Variants in LRP1B observed in about 807,000 individuals in gnomAD.
LRP1B encodes low-density lipoprotein receptor-related protein 1B.
A neutral mutation model predicts 556.6 loss-of-function variants in LRP1B; 217 were observed. The ratio of observed to expected loss-of-function variants is 0.39; its 90% CI spans 0.35 to 0.44. The LOEUF (loss-of-function observed/expected upper bound fraction) is 0.44. LRP1B is among the 20% of genes least tolerant of loss of function. The pLI, the probability that LRP1B is intolerant of heterozygous loss-of-function variation, is 1.00. For missense variants in LRP1B, 5,053 were observed against 5,620.8 expected, an observed-to-expected ratio of 0.90 and a Z score of 3.23; for synonymous variants, 2,047 against 1,865.8, an observed-to-expected ratio of 1.10 and a Z score of -2.50.
intron 1 of LRP1B, among the ~76,000 whole-genome samples, chr2:141,859,392 ACAAGT>A (rs2105785378): frequency 6.6e-6 from 1 of 152,282 alleles, no homozygotes; most frequent in South Asian, 2.1e-4. Context: ...AGGGCCACAG[ACAAGT>A]CAAGTTTAAA....
Position 141,044,628 on chromosome 2 carries a change from C to T in LRP1B, c.1789+4358G>A, listed in dbSNP as rs531847264. ...GGGCAAAGGACATGAACAGACACTTCTCAAAAGAAGACATTTATGCACCAA... is the reference window on the plus strand; with the variant it reads ...GGGCAAAGGACATGAACAGACACTTTTCAAAAGAAGACATTTATGCACCAA... On this transcript the variant is annotated intron_variant, in intron 11 of 90. Coordinates refer to ENST00000389484, the MANE Select transcript of LRP1B (RefSeq NM_018557.3). 2.7e-3 allele frequency among the ~76,000 whole-genome samples: 405 copies of T among 152,006 alleles called. 1 individual carries two copies. The highest frequency in any genetic ancestry group is 9.5e-3 in the African/African-American group (395 of 41,498).
At position 141,615,945 on chromosome 2, in the gene LRP1B, T is replaced by C. The variant is rs567820814; in HGVS notation, c.206-135412A>G. ...AGGTCGTAAAAAATAATGATGACTGTCTTTATTCTTAAGTTAATCAAACTG... is the reference window on the plus strand; with the variant it reads ...AGGTCGTAAAAAATAATGATGACTGCCTTTATTCTTAAGTTAATCAAACTG... On this transcript the variant is annotated intron_variant, in intron 2 of 90. Coordinates refer to ENST00000389484, the MANE Select transcript of LRP1B (RefSeq NM_018557.3). Among the ~76,000 whole-genome samples the C allele has an allele frequency of 2.6e-5, 4 of 152,240 alleles. No individual in the cohort carries two copies. In the South Asian group the frequency reaches 8.3e-4, roughly 32 times the overall value.
intron 2 of LRP1B, among the ~76,000 whole-genome samples, chr2:141,668,723 G>A (rs1268802532): frequency 6.6e-6 from 1 of 152,144 alleles, no homozygotes; most frequent in Non-Finnish European, 1.5e-5. Flanking sequence ...AGATGGACAA[G>A]GTCAGGTACC....
At chr2:141,544,325 C>T (rs1685416543) in intron 2 of LRP1B, among the ~76,000 whole-genome samples, 1 of 55,606 alleles carries the variant, frequency 1.8e-5, no homozygotes, top group Non-Finnish European at 3.3e-5. Context: ...TCTTCTTCTT[C>T]TTCTTCTTCT....
Position 140,328,237 on chromosome 2 carries a change from G to A in LRP1B, c.12224-2359C>T, listed in dbSNP as rs147100381. Reference sequence around the variant, plus strand: ...AAATTTGAAATAAAATGTCATACTTGTTTTAATTAAGTATAATAGAATCAC... The same window carrying A: ...AAATTTGAAATAAAATGTCATACTTATTTTAATTAAGTATAATAGAATCAC... On this transcript the variant is annotated intron_variant, in intron 79 of 90. Coordinates refer to ENST00000389484, the MANE Select transcript of LRP1B (RefSeq NM_018557.3). Among the ~76,000 whole-genome samples the A allele has an allele frequency of 7.1e-3, 1,076 of 151,968 alleles. 6 individuals are homozygous for A. The highest frequency in any genetic ancestry group is 0.011 in the Admixed American group (162 of 15,238).
intron 2 of LRP1B, among the ~76,000 whole-genome samples, chr2:141,584,660 A>G (rs564010146): frequency 6.6e-6 from 1 of 152,316 alleles, no homozygotes; most frequent in East Asian, 1.9e-4. Flanking sequence ...ACACACAACT[A>G]TCATGAAGTG....
At chr2:140,298,628 A>C (rs1371972069) in intron 83 of LRP1B, among the ~76,000 whole-genome samples, 1 of 152,292 alleles carries the variant, frequency 6.6e-6, no homozygotes, top group East Asian at 1.9e-4. Flanking sequence ...ATGACTTAGA[A>C]GTTTAACATG....
At chr2:141,065,790 C>T (rs1699464952) in intron 7 of LRP1B, among the ~76,000 whole-genome samples, 1 of 151,728 alleles carries the variant, frequency 6.6e-6, no homozygotes, top group Admixed American at 6.6e-5. Context: ...TTTCTGAACA[C>T]TTAACTCTCT....
intron 67 of LRP1B, 24 bp from the exon 68 acceptor site, chr2:140,378,310 G>T: frequency 7.8e-7 from 1 of 1,289,888 alleles, no homozygotes. Context: ...AACAGCACAG[G>T]GTTATTCTAT....
chr2:140,427,119 C>T (rs547434036), intron 66 of LRP1B, among the ~76,000 whole-genome samples: 12 of 152,274 alleles, frequency 7.9e-5, no homozygotes, highest in African/African-American at 1.9e-4. Flanking sequence ...CCCAAAACTC[C>T]GGCGCCGGTC....
At chr2:142,017,359 T>C (rs1190035020) in intron 1 of LRP1B, among the ~76,000 whole-genome samples, 1 of 152,192 alleles carries the variant, frequency 6.6e-6, no homozygotes, top group East Asian at 1.9e-4. Flanking sequence ...GTTATGAATG[T>C]ATTTACGTAA....
chr2:142,097,768 A>T lies in LRP1B; in HGVS notation c.82+32880T>A, dbSNP rs1007384370. ...AAGTTACTTGTTTAAAGTTGAATCTAGCTCGATATAAAGAGTCTATATTCC... is the reference window on the plus strand; with the variant it reads ...AAGTTACTTGTTTAAAGTTGAATCTTGCTCGATATAAAGAGTCTATATTCC... On this transcript the variant is annotated intron_variant, in intron 1 of 90. Transcript: ENST00000389484. 4.6e-5 allele frequency among the ~76,000 whole-genome samples: 7 copies of T among 151,748 alleles called. No individual in the cohort carries two copies. In the Admixed American group the frequency reaches 4.6e-4, roughly 10 times the overall value.
chr2:141,591,615 T>C (rs1410029428), intron 2 of LRP1B, among the ~76,000 whole-genome samples: 1 of 151,976 alleles, frequency 6.6e-6, no homozygotes, highest in Non-Finnish European at 1.5e-5. Context: ...TGTGTCTGTG[T>C]GTCTCCATGT....
At chr2:141,169,331 TAAATAAAG>T (rs562412601) in intron 7 of LRP1B, among the ~76,000 whole-genome samples, 4,025 of 144,992 alleles carry the variant, frequency 0.028, 159 homozygotes, top group African/African-American at 0.087. Flanking sequence ...AATAAATAAA[TAAATAAAG>T]AAGAGATGGG....
chr2:141,708,033 T>A (rs899302309), intron 2 of LRP1B, among the ~76,000 whole-genome samples: 5 of 152,018 alleles, frequency 3.3e-5, no homozygotes, highest in African/African-American at 9.7e-5. Context: ...AGTGGCACAT[T>A]AGTTTAGGCA....
chr2:140,562,356 GT>G (rs1680962106), intron 43 of LRP1B, among the ~76,000 whole-genome samples: 1 of 152,078 alleles, frequency 6.6e-6, no homozygotes, highest in Non-Finnish European at 1.5e-5. Flanking sequence ...ACACTAACAT[GT>G]TTAGTGTAAC....
chr2:140,280,452 C>T (rs1375951961), intron 84 of LRP1B, among the ~76,000 whole-genome samples: 2 of 151,550 alleles, frequency 1.3e-5, no homozygotes, highest in African/African-American at 2.4e-5. Context: ...ATGAACTGTA[C>T]AGTTAATCAT....
At chr2:140,451,619 T>C (rs944605365) in intron 62 of LRP1B, among the ~76,000 whole-genome samples, 1 of 152,142 alleles carries the variant, frequency 6.6e-6, no homozygotes, top group Admixed American at 6.6e-5. Flanking sequence ...ATGATGAGTA[T>C]GGGCCCCACA....
At chr2:141,728,056 CAG>C (rs1574290902) in intron 2 of LRP1B, among the ~76,000 whole-genome samples, 2 of 151,980 alleles carry the variant, frequency 1.3e-5, no homozygotes, top group Admixed American at 6.6e-5. Flanking sequence ...GCCCGTATTT[CAG>C]AGAGTAGCAG....
Sources: allele counts gnomAD v4.1 joint callset (sites outside exome capture counted in the v4.1 genomes callset), GRCh38; gene constraint gnomAD v4.1.1; transcripts MANE v1.5; gene names NCBI Gene and HGNC (gene_info 2026-07-23, HGNC 2026-07-21).